Variants in RALGAPA1 observed in about 807,000 individuals in gnomAD.
RALGAPA1 encodes ral GTPase-activating protein subunit alpha-1.
Under a neutral mutation model 269.6 loss-of-function variants are expected in RALGAPA1, and 52 were observed. The ratio of observed to expected loss-of-function variants is 0.19; its 90% CI spans 0.15 to 0.24. The LOEUF is 0.24. Ranked by LOEUF, RALGAPA1 falls within the 10% of genes least tolerant of loss-of-function variation. The probability of loss-of-function intolerance (pLI) is 1.00; values close to 1 mark genes in which losing one functional copy is unlikely to be tolerated. For missense variants in RALGAPA1, 1,917 were observed against 3,013.9 expected, an observed-to-expected ratio of 0.64 and a Z score of 8.52; for synonymous variants, 817 against 1,008.3, an observed-to-expected ratio of 0.81 and a Z score of 3.60.
chr14:35,629,487 T>C (rs192433396), intron 33 of RALGAPA1, among the ~76,000 whole-genome samples: 3 of 152,248 alleles, frequency 2.0e-5, no homozygotes, highest in East Asian at 1.9e-4. Context: ...TCAGAATAAA[T>C]ACAAATTTAT....
chr14:35,671,351 A>G (rs1293934959), intron 26 of RALGAPA1, 38 bp downstream of exon 26: 16 of 1,521,804 alleles, frequency 1.1e-5, no homozygotes, highest in African/African-American at 1.4e-5. Context: ...AATCCTGGCT[A>G]AAGTTTGTTA....
At chr14:35,616,806 A>G (rs2060281464) in intron 35 of RALGAPA1, among the ~76,000 whole-genome samples, 2 of 152,164 alleles carry the variant, frequency 1.3e-5, no homozygotes, top group African/African-American at 4.8e-5. Context: ...ACCTTCAGAA[A>G]GACAGTTTCA....
At chr14:35,717,349 C>T (rs2068925285) in intron 16 of RALGAPA1, among the ~76,000 whole-genome samples, 1 of 152,060 alleles carries the variant, frequency 6.6e-6, no homozygotes, top group Admixed American at 6.6e-5. Context: ...TGGGATTTCA[C>T]CATATTAGCC....
intron 39 of RALGAPA1, among the ~76,000 whole-genome samples, chr14:35,558,078 A>C (rs1384669362): frequency 2.0e-5 from 3 of 152,154 alleles, no homozygotes; most frequent in African/African-American, 4.8e-5. Context: ...GTGTTTATAT[A>C]AATATCAGCG....
At chr14:35,707,340 C>T (rs915476262) in intron 16 of RALGAPA1, 7 of 152,160 alleles carry the variant, frequency 4.6e-5, no homozygotes, top group Admixed American at 1.3e-4. Context: ...TCCTGTCTTA[C>T]AGGAATAGTG....
intron 41 of RALGAPA1, 23 bp downstream of exon 41, chr14:35,548,484 GT>G: frequency 6.5e-7 from 1 of 1,534,030 alleles, no homozygotes; most frequent in Non-Finnish European, 8.8e-7. Flanking sequence ...AACAGAGGGT[GT>G]TTTGGTTGAC....
At chr14:35,701,581 C>A (rs2067354005) in intron 16 of RALGAPA1, among the ~76,000 whole-genome samples, 1 of 152,186 alleles carries the variant, frequency 6.6e-6, no homozygotes, top group Admixed American at 6.5e-5. Context: ...TTTCCTTGGT[C>A]TCTTTTTCTT....
At chr14:35,695,571 T>C (rs2066837404) in intron 17 of RALGAPA1, among the ~76,000 whole-genome samples, 1 of 152,122 alleles carries the variant, frequency 6.6e-6, no homozygotes, top group Admixed American at 6.5e-5. Flanking sequence ...CAGAGTCCAA[T>C]AGCAACAAAA....
intron 37 of RALGAPA1, among the ~76,000 whole-genome samples, chr14:35,579,349 G>A (rs1398734833): frequency 8.5e-5 from 13 of 152,060 alleles, no homozygotes; most frequent in African/African-American, 1.2e-4. Context: ...TTTTATTCCC[G>A]GCCGGGCACA....
At chr14:35,678,391 T>C (rs2065138149) in intron 21 of RALGAPA1, among the ~76,000 whole-genome samples, 1 of 152,202 alleles carries the variant, frequency 6.6e-6, no homozygotes, top group Admixed American at 6.5e-5. Flanking sequence ...CTGGCCCAGC[T>C]ATAGAAACTC....
In RALGAPA1 at chr14:35,570,609, A is replaced by T. The variant is rs781711430; in HGVS notation, c.7496+8T>A. On this transcript the variant is annotated splice_region_variant and intron_variant, in intron 39 of 41. Coordinates refer to ENST00000680220, the MANE Select transcript of RALGAPA1 (RefSeq NM_001346249.2). ...AGAGTAGAAACCATTACATTAAAAAAAGGATACAAGTTTTGATACAATGGA... is the reference window on the plus strand; with the variant it reads ...AGAGTAGAAACCATTACATTAAAAATAGGATACAAGTTTTGATACAATGGA... 4 of 1,594,072 alleles carry T rather than the reference A, an allele frequency of 2.5e-6. No individual in the cohort carries two copies. The African/African-American group carries it at 5.4e-5, about 22-fold the overall frequency.
intron 39 of RALGAPA1, among the ~76,000 whole-genome samples, chr14:35,551,117 C>T (rs547290135): frequency 1.2e-4 from 19 of 152,266 alleles, no homozygotes; most frequent in African/African-American, 4.3e-4. Flanking sequence ...ACAAAAAATA[C>T]TGGCCTTTGT....
rs777592287 is a variant in RALGAPA1 at position 35,748,693 on chromosome 14, A to G, written c.1143T>C (p.Ser381=). Residue 381 remains serine (S), a synonymous_variant, in exon 10 of 42, where the codon TCT becomes TCC. Transcript: ENST00000680220. ...STLTEREPSS[S]SLCSIDEEHL... The stretch of plus-strand genomic sequence containing the variant: ...GTTCTTCATCAATACTACAGAGACT[A>G]GATGAGCTAGGTTCTCGCTCCGTGA... 5 of 1,613,702 alleles carry G rather than the reference A, an allele frequency of 3.1e-6. No homozygotes were observed. The highest frequency in any genetic ancestry group is 4.2e-6 in the Non-Finnish European group (5 of 1,179,872).
At chr14:35,644,268 C>G (rs1311878214) in intron 31 of RALGAPA1, among the ~76,000 whole-genome samples, 1 of 151,956 alleles carries the variant, frequency 6.6e-6, no homozygotes, top group African/African-American at 2.4e-5. Flanking sequence ...GTGAAAAATC[C>G]AAAGCAAAGA....
chr14:35,649,688 A>T (rs1335518735), intron 31 of RALGAPA1, among the ~76,000 whole-genome samples: 1 of 152,176 alleles, frequency 6.6e-6, no homozygotes, highest in Non-Finnish European at 1.5e-5. Flanking sequence ...TTTTTCCTAA[A>T]TATGCCTTTC....
chr14:35,700,364 C>T (rs927117041), intron 16 of RALGAPA1, 62 bp from the exon 17 acceptor site: 5 of 1,316,638 alleles, frequency 3.8e-6, no homozygotes, highest in Middle Eastern at 3.8e-4. Flanking sequence ...TAATGAAAGG[C>T]TCGTGTCACA....
intron 30 of RALGAPA1, 85 bp from the exon 31 acceptor site, chr14:35,651,958 G>T: frequency 1.7e-6 from 2 of 1,165,844 alleles, no homozygotes; most frequent in Non-Finnish European, 2.4e-6. Context: ...AAATGCTGAA[G>T]TGATACAAAA....
chr14:35,608,445 A>G (rs2059719141), intron 35 of RALGAPA1, among the ~76,000 whole-genome samples: 2 of 152,342 alleles, frequency 1.3e-5, no homozygotes, highest in Non-Finnish European at 2.9e-5. Flanking sequence ...TAAACAAATG[A>G]CCAAGCAAAC....
intron 17 of RALGAPA1, among the ~76,000 whole-genome samples, chr14:35,692,874 A>G (rs934355991): frequency 1.3e-5 from 2 of 152,002 alleles, no homozygotes; most frequent in African/African-American, 2.4e-5. Flanking sequence ...TGAGAAAAAG[A>G]CTAAATAATA....
Sources: allele counts gnomAD v4.1 joint callset (sites outside exome capture counted in the v4.1 genomes callset), GRCh38; gene constraint gnomAD v4.1.1; transcripts MANE v1.5; gene names NCBI Gene and HGNC (gene_info 2026-07-23, HGNC 2026-07-21).